Variants in METTL16 observed in about 807,000 individuals in gnomAD.
METTL16 encodes the protein RNA N(6)-adenosine-methyltransferase METTL16.
In METTL16, 19 loss-of-function variants were observed where a neutral mutation model predicts 57.9. The ratio of observed to expected loss-of-function variants is 0.33; its 90% CI spans 0.23 to 0.48. METTL16 has a LOEUF of 0.48. Among genes scored for constraint, METTL16 ranks in the 20% least tolerant of loss-of-function variants. The pLI is 0.99. For synonymous variants in METTL16, 246 were observed against 255.6 expected (o/e 0.96, Z 0.36); for missense variants, 434 against 691.5 (o/e 0.63, Z 4.18).
intron 2 of METTL16, among the ~76,000 whole-genome samples, chr17:2,494,194 G>T (rs1425200504): frequency 6.6e-6 from 1 of 151,784 alleles, no homozygotes; most frequent in Non-Finnish European, 1.5e-5. Flanking sequence ...GTTAATTTTT[G>T]TATTTTTAGT....
At chr17:2,441,780 T>A (rs943633887) in intron 6 of METTL16, among the ~76,000 whole-genome samples, 1 of 152,114 alleles carries the variant, frequency 6.6e-6, no homozygotes, top group Non-Finnish European at 1.5e-5. Flanking sequence ...AATAAATAAA[T>A]GTACTTAGCC....
intron 2 of METTL16, among the ~76,000 whole-genome samples, chr17:2,491,387 C>T (rs2067387779): frequency 6.6e-6 from 1 of 152,150 alleles, no homozygotes; most frequent in Admixed American, 6.6e-5. Context: ...AGACACATTT[C>T]TGTAATCCAT....
At chr17:2,421,171 T>C (rs967842506) in intron 8 of METTL16, among the ~76,000 whole-genome samples, 2 of 151,974 alleles carry the variant, frequency 1.3e-5, no homozygotes, top group African/African-American at 2.4e-5. Context: ...CCCAGCAACA[T>C]AGTAAGACCT....
chr17:2,441,751 G>A (rs577842672), intron 6 of METTL16, among the ~76,000 whole-genome samples, 192 bp from the exon 7 acceptor site: 10 of 152,014 alleles, frequency 6.6e-5, no homozygotes, highest in African/African-American at 2.4e-4. Context: ...CAAGCCCAAG[G>A]CAACTTAAAA....
rs942585242 is a variant in METTL16 at position 2,417,459 on chromosome 17, T to A, written c.*2511A>T. The A allele has an allele frequency of 1.3e-5, 2 of 152,148 alleles. No individual in the cohort carries two copies. The highest frequency in any genetic ancestry group is 4.8e-5 in the African/African-American group (2 of 41,442). The allele number at this position is 152,148 out of a possible 1,614,324, so 9.4% of individuals were successfully genotyped here. A position where few individuals can be genotyped will look rare whatever the true frequency, so the allele number is the denominator to read the frequency against. On this transcript the variant is annotated 3_prime_UTR_variant, in exon 10 of 10. Coordinates refer to ENST00000263092, the MANE Select transcript of METTL16 (RefSeq NM_024086.4). Reference sequence around the variant, plus strand: ...CTTAAACCTAGGGACAGAAACACACTGAGACACAGAAACACCTTCTGTGCT... The same window carrying A: ...CTTAAACCTAGGGACAGAAACACACAGAGACACAGAAACACCTTCTGTGCT...
At position 2,430,739 on chromosome 17, in the gene METTL16, T is replaced by G. The variant is rs575924896; in HGVS notation, c.888+7370A>C. On this transcript the variant is annotated intron_variant, in intron 8 of 9. Transcript: ENST00000263092. Reference sequence around the variant, plus strand: ...AGCCTAGATATATTTTTAGAATTTTTTTTTAAATTGAAATATAGATACAGA... The same window carrying G: ...AGCCTAGATATATTTTTAGAATTTTGTTTTAAATTGAAATATAGATACAGA... Among the ~76,000 whole-genome samples, 72 of 152,126 alleles carry G rather than the reference T, an allele frequency of 4.7e-4. 2 individuals carry two copies. The South Asian group carries it at 0.015, about 31-fold the overall frequency.
intron 5 of METTL16, 83 bp downstream of exon 5, chr17:2,467,678 G>A (rs2067210565): frequency 8.3e-6 from 8 of 965,024 alleles, no homozygotes; most frequent in South Asian, 2.7e-5. Flanking sequence ...CACCCGCCTT[G>A]GCCTCCCAAA....
At chr17:2,445,114 T>C (rs987059260) in intron 6 of METTL16, among the ~76,000 whole-genome samples, 11 of 152,196 alleles carry the variant, frequency 7.2e-5, no homozygotes, top group African/African-American at 2.7e-4. Context: ...CCTCCCAAAG[T>C]GCTGGGATTA....
At chr17:2,491,802 G>A (rs1270891238) in intron 2 of METTL16, among the ~76,000 whole-genome samples, 1 of 147,800 alleles carries the variant, frequency 6.8e-6, no homozygotes, top group Non-Finnish European at 1.5e-5. Context: ...ATGAACCTGG[G>A]AGGCAGAGCT....
intron 5 of METTL16, among the ~76,000 whole-genome samples, chr17:2,465,546 C>CAA (rs547864019): frequency 0.014 from 336 of 24,062 alleles, 11 homozygotes; most frequent in African/African-American, 0.019. Context: ...GACTCCATCT[C>CAA]AAAAAAAAAA....
chr17:2,467,303 C>T (rs9907861), intron 5 of METTL16, among the ~76,000 whole-genome samples: 4,104 of 152,212 alleles, frequency 0.027, 195 homozygotes, highest in African/African-American at 0.093. Flanking sequence ...TGCTTGAGTC[C>T]GGATGTTCAA....
chr17:2,502,145 T>C, intron 2 of METTL16, 59 bp downstream of exon 2: 1 of 1,564,866 alleles, frequency 6.4e-7, no homozygotes, highest in Non-Finnish European at 8.7e-7. Context: ...GGGCTTTCTA[T>C]TACATCATAT....
intron 6 of METTL16, among the ~76,000 whole-genome samples, chr17:2,458,178 C>T (rs1402513345): frequency 6.6e-6 from 1 of 152,104 alleles, no homozygotes; most frequent in East Asian, 1.9e-4. Flanking sequence ...CTGTGCCTGG[C>T]CTAGGCCCAG....
At chr17:2,482,919 T>A (rs952975964) in intron 2 of METTL16, among the ~76,000 whole-genome samples, 19 of 150,060 alleles carry the variant, frequency 1.3e-4, no homozygotes, top group African/African-American at 3.0e-4. Context: ...TCAAAAATAA[T>A]AATAATAATA....
chr17:2,456,908 C>A (rs1008483684), intron 6 of METTL16, among the ~76,000 whole-genome samples: 1 of 150,568 alleles, frequency 6.6e-6, no homozygotes, highest in Non-Finnish European at 1.5e-5. Context: ...CTGCCTCAGC[C>A]TGCCATGTAG....
At chr17:2,448,842 C>T (rs1438711165) in intron 6 of METTL16, among the ~76,000 whole-genome samples, 1 of 63,994 alleles carries the variant, frequency 1.6e-5, no homozygotes, top group Non-Finnish European at 3.9e-5. Context: ...TCCTGGCCAA[C>T]ATGGTGAAAC....
intron 2 of METTL16, among the ~76,000 whole-genome samples, chr17:2,499,823 G>A (rs543283164): frequency 2.2e-4 from 34 of 152,036 alleles, no homozygotes; most frequent in Admixed American, 8.5e-4. Context: ...GCATGATCTC[G>A]GTTCACTAAA....
chr17:2,478,156 T>C (rs1254383078), intron 2 of METTL16, among the ~76,000 whole-genome samples: 2 of 152,208 alleles, frequency 1.3e-5, no homozygotes, highest in Admixed American at 6.5e-5. Context: ...TGTCTCGTCG[T>C]CTCCTCACTG....
chr17:2,448,774 AAAAAAAT>A (rs1308079558), intron 6 of METTL16, among the ~76,000 whole-genome samples: 3 of 108,410 alleles, frequency 2.8e-5, no homozygotes, highest in African/African-American at 5.3e-5. Context: ...AATAAAAAAT[AAAAAAAT>A]AAAAAAATAA....
Sources: gnomAD v4.1 joint callset for allele counts (sites outside exome capture counted in the v4.1 genomes callset) on GRCh38, gnomAD v4.1.1 for gene constraint, MANE v1.5 for transcripts, NCBI Gene and HGNC (gene_info 2026-07-23, HGNC 2026-07-21) for gene names.